Variants in WDR64 observed in about 807,000 individuals in gnomAD.
WDR64 encodes WD repeat-containing protein 64.
WDR64 carries 112 observed loss-of-function variants against 139.3 expected under a neutral mutation model. That is an observed-to-expected ratio of 0.80 (90% CI 0.69 to 0.94). The LOEUF (loss-of-function observed/expected upper bound fraction) is 0.94. Ranked by LOEUF, WDR64 falls within the 40% of genes least tolerant of loss-of-function variation. The probability of loss-of-function intolerance (pLI) is 0.00; values close to 1 mark genes in which losing one functional copy is unlikely to be tolerated. For synonymous variants in WDR64, 444 were observed against 437.7 expected (o/e 1.01, Z -0.18); for missense variants, 1,206 against 1,293.1 (o/e 0.93, Z 1.03).
chr1:241,677,930 A>G (rs776263766), intron 4 of WDR64, among the ~76,000 whole-genome samples: 2 of 152,366 alleles, frequency 1.3e-5, no homozygotes, highest in Admixed American at 1.3e-4. Context: ...AAGGAAGACA[A>G]TGATTAGTGA....
intron 9 of WDR64, among the ~76,000 whole-genome samples, chr1:241,714,364 A>G (rs1353003887): frequency 6.6e-6 from 1 of 152,242 alleles, no homozygotes; most frequent in Admixed American, 6.5e-5. Flanking sequence ...AAGAGTTTAC[A>G]GCAAAAATAT....
chr1:241,721,426 ACGC>A (rs1484417263), intron 9 of WDR64, among the ~76,000 whole-genome samples: 1 of 152,118 alleles, frequency 6.6e-6, no homozygotes, highest in African/African-American at 2.4e-5. Context: ...TTAGGTTATA[ACGC>A]CTTTATACAG....
chr1:241,655,548 C>G (rs77840319), intron 1 of WDR64, among the ~76,000 whole-genome samples: 1 of 152,196 alleles, frequency 6.6e-6, no homozygotes, highest in Non-Finnish European at 1.5e-5. Context: ...AGGTCATTCA[C>G]AGCTTGCCTC....
intron 8 of WDR64, among the ~76,000 whole-genome samples, chr1:241,704,039 C>A (rs1667841131): frequency 6.6e-6 from 1 of 152,186 alleles, no homozygotes; most frequent in African/African-American, 2.4e-5. Flanking sequence ...TGGGTGGGGA[C>A]ACAAAGCCTA....
intron 9 of WDR64, among the ~76,000 whole-genome samples, chr1:241,715,386 TGACTG>T (rs1668363961): frequency 6.6e-6 from 1 of 152,358 alleles, no homozygotes; most frequent in African/African-American, 2.4e-5. Context: ...CCTGAGTTAA[TGACTG>T]TCTTGGCTTA....
chr1:241,736,299 T>A (rs1669322342), intron 10 of WDR64, among the ~76,000 whole-genome samples: 1 of 152,158 alleles, frequency 6.6e-6, no homozygotes, highest in Non-Finnish European at 1.5e-5. Context: ...CTGCTGTTTC[T>A]TTTTGCTTTT....
chr1:241,770,824 A>G, intron 18 of WDR64, 134 bp downstream of exon 18: 1 of 632,792 alleles, frequency 1.6e-6, no homozygotes. Flanking sequence ...GCATGCTTAT[A>G]TGTAAAAACG....
At chr1:241,718,386 G>A (rs944867810) in intron 9 of WDR64, among the ~76,000 whole-genome samples, 6 of 152,144 alleles carry the variant, frequency 3.9e-5, no homozygotes, top group African/African-American at 4.8e-5. Flanking sequence ...GTCTAAAAGG[G>A]TGTAAACCTG....
At chr1:241,661,115 A>G (rs1665815837) in intron 2 of WDR64, among the ~76,000 whole-genome samples, 1 of 152,186 alleles carries the variant, frequency 6.6e-6, no homozygotes, top group Admixed American at 6.5e-5. Context: ...AAAATTACAC[A>G]TATCCATACA....
intron 1 of WDR64, among the ~76,000 whole-genome samples, chr1:241,660,134 A>C (rs1665766810): frequency 1.3e-5 from 2 of 152,208 alleles, no homozygotes; most frequent in African/African-American, 4.8e-5. Flanking sequence ...GTGGCTATCC[A>C]GTCCTCTCCT....
At chr1:241,696,708 TATA>T (rs1667503889) in intron 8 of WDR64, among the ~76,000 whole-genome samples, 1 of 152,110 alleles carries the variant, frequency 6.6e-6, no homozygotes, top group Non-Finnish European at 1.5e-5. Context: ...ATAATTTGCG[TATA>T]ATGAGCAGTG....
intron 18 of WDR64, among the ~76,000 whole-genome samples, chr1:241,771,101 C>CTG (rs10645443): frequency 0.18 from 27,148 of 152,110 alleles, 2,833 homozygotes; most frequent in African/African-American, 0.27. Context: ...GGTTTTCAAA[C>CTG]TGTTCTCAGT....
intron 22 of WDR64, among the ~76,000 whole-genome samples, chr1:241,781,440 A>G (rs1375353031): frequency 6.6e-6 from 1 of 152,222 alleles, no homozygotes; most frequent in Non-Finnish European, 1.5e-5. Flanking sequence ...CCTCATTATT[A>G]CATAGATCAA....
intron 21 of WDR64, among the ~76,000 whole-genome samples, chr1:241,777,922 G>A (rs1191000414): frequency 6.6e-6 from 1 of 152,056 alleles, no homozygotes; most frequent in African/African-American, 2.4e-5. Context: ...TGCGTTCTGT[G>A]GCCCAGAACA....
chr1:241,665,340 C>T (rs1257459111), intron 2 of WDR64, among the ~76,000 whole-genome samples: 4 of 152,182 alleles, frequency 2.6e-5, no homozygotes, highest in African/African-American at 7.2e-5. Flanking sequence ...GCTTCAGATC[C>T]ATCATCTGTA....
chr1:241,697,918 T>G (rs1413700061), intron 8 of WDR64, among the ~76,000 whole-genome samples: 1 of 152,186 alleles, frequency 6.6e-6, no homozygotes, highest in African/African-American at 2.4e-5. Context: ...GTTGGTTCTT[T>G]TTTCTTGTGA....
At chr1:241,720,316 C>A (rs1304319964) in intron 9 of WDR64, among the ~76,000 whole-genome samples, 1 of 152,086 alleles carries the variant, frequency 6.6e-6, no homozygotes, top group Non-Finnish European at 1.5e-5. Context: ...TGGGTATATA[C>A]CCAGTAATGG....
At chr1:241,661,175 A>T (rs1005353942) in intron 2 of WDR64, among the ~76,000 whole-genome samples, 1 of 151,924 alleles carries the variant, frequency 6.6e-6, no homozygotes, top group South Asian at 2.1e-4. Context: ...AAAAAAAAAT[A>T]GAAATAGTAG....
At chr1:241,770,556 A>C in intron 17 of WDR64, 65 bp from the exon 18 acceptor site, 1 of 1,412,640 alleles carries the variant, frequency 7.1e-7, no homozygotes, top group South Asian at 1.3e-5. Context: ...GCAGAGAAGC[A>C]CACCCTTTGA....
Sources: allele counts gnomAD v4.1 joint callset (sites outside exome capture counted in the v4.1 genomes callset), GRCh38; gene constraint gnomAD v4.1.1; transcripts MANE v1.5; gene names NCBI Gene and HGNC (gene_info 2026-07-23, HGNC 2026-07-21).